The following BICDL1 variants were observed in gnomAD, a reference collection of about 807,000 sequenced individuals.
BICDL1 encodes the protein BICD family like cargo adaptor 1.
Under a neutral mutation model 76.8 loss-of-function variants are expected in BICDL1, and 20 were observed. That is an observed-to-expected ratio of 0.26 (90% CI 0.18 to 0.38). BICDL1 has a LOEUF of 0.38. BICDL1 is among the 10% of genes least tolerant of loss of function. The pLI is 1.00. For missense variants in BICDL1, 700 were observed against 798.6 expected (o/e 0.88, Z 1.49); for synonymous variants, 383 against 337.1 (o/e 1.14, Z -1.49).
chr12:120,064,465 G>A (rs1266190342), intron 3 of BICDL1, among the ~76,000 whole-genome samples: 1 of 151,738 alleles, frequency 6.6e-6, no homozygotes, highest in Non-Finnish European at 1.5e-5. Flanking sequence ...AATTTCCAGA[G>A]CACTAGCCTT....
intron 2 of BICDL1, among the ~76,000 whole-genome samples, chr12:120,014,081 T>TA (rs1252550222): frequency 6.6e-6 from 1 of 152,230 alleles, no homozygotes; most frequent in Non-Finnish European, 1.5e-5. Flanking sequence ...ATGTGTGTTA[T>TA]AAAAAATCTT....
chr12:119,990,956 G>A (rs1951509307), intron 1 of BICDL1, among the ~76,000 whole-genome samples: 1 of 152,196 alleles, frequency 6.6e-6, no homozygotes, highest in Non-Finnish European at 1.5e-5. Context: ...GCTTGCAATT[G>A]AATGACCAAA....
At chr12:120,023,705 G>A (rs1297428169) in intron 2 of BICDL1, among the ~76,000 whole-genome samples, 2 of 151,570 alleles carry the variant, frequency 1.3e-5, no homozygotes, top group Admixed American at 6.6e-5. Context: ...TAGGAGAATC[G>A]CTTGAGCCTG....
At chr12:120,092,891 C>A in intron 9 of BICDL1, 109 bp from the exon 10 acceptor site, 1 of 1,468,678 alleles carries the variant, frequency 6.8e-7, no homozygotes, top group South Asian at 1.5e-5. Context: ...GCCTCTCACT[C>A]ATCACATTCT....
At chr12:120,010,769 T>C (rs1260575509) in intron 2 of BICDL1, among the ~76,000 whole-genome samples, 1 of 152,202 alleles carries the variant, frequency 6.6e-6, no homozygotes, top group Non-Finnish European at 1.5e-5. Context: ...AGAAAAATGA[T>C]GTGCAGTCAC....
chr12:120,029,688 T>G (rs111847497), intron 2 of BICDL1, among the ~76,000 whole-genome samples: 1 of 152,084 alleles, frequency 6.6e-6, no homozygotes, highest in Non-Finnish European at 1.5e-5. Context: ...TGAGACAGAG[T>G]CTTGCTTTGT....
At chr12:120,058,426 A>G (rs926507167) in intron 2 of BICDL1, among the ~76,000 whole-genome samples, 5 of 152,112 alleles carry the variant, frequency 3.3e-5, no homozygotes, top group Non-Finnish European at 5.9e-5. Flanking sequence ...GATTCATGTC[A>G]AAGTGGTGAT....
At chr12:120,092,308 G>A (rs934559230) in intron 9 of BICDL1, 7 of 985,316 alleles carry the variant, frequency 7.1e-6, no homozygotes, top group African/African-American at 3.5e-5. Flanking sequence ...GAACGAATTC[G>A]AGTTGGGGGA....
At chr12:120,083,536 C>T (rs1874153548) in intron 8 of BICDL1, among the ~76,000 whole-genome samples, 1 of 152,116 alleles carries the variant, frequency 6.6e-6, no homozygotes, top group Non-Finnish European at 1.5e-5. Flanking sequence ...AAGCAAGAGC[C>T]ACGGTGCCCA....
intron 2 of BICDL1, among the ~76,000 whole-genome samples, chr12:120,010,630 G>A (rs961257928): frequency 4.6e-4 from 70 of 152,314 alleles, no homozygotes; most frequent in African/African-American, 1.6e-3. Context: ...TGAATGGATT[G>A]TTAATCTGGT....
At chr12:120,085,799 CAAAAAAAAAAAAAA>C (rs35399078) in intron 8 of BICDL1, among the ~76,000 whole-genome samples, 1 of 69,718 alleles carries the variant, frequency 1.4e-5, no homozygotes, top group Admixed American at 1.7e-4. Flanking sequence ...GATCCTGCCT[CAAAAAAAAAAAAAA>C]AAAAAAAAGG....
chr12:120,012,676 C>A (rs1951977540), intron 2 of BICDL1, among the ~76,000 whole-genome samples: 3 of 152,132 alleles, frequency 2.0e-5, no homozygotes. Flanking sequence ...TATGTGTTCT[C>A]ATATATGAAT....
intron 2 of BICDL1, among the ~76,000 whole-genome samples, chr12:120,010,483 G>A (rs1169533016): frequency 1.3e-5 from 2 of 152,058 alleles, no homozygotes; most frequent in Non-Finnish European, 2.9e-5. Context: ...GATTTCATAT[G>A]GAAAAGGGCT....
At chr12:120,075,506 C>A (rs1371242638) in intron 7 of BICDL1, among the ~76,000 whole-genome samples, 1 of 152,100 alleles carries the variant, frequency 6.6e-6, no homozygotes, top group Admixed American at 6.6e-5. Flanking sequence ...AATCCTTCCA[C>A]CTCAGCTGCC....
At chr12:120,032,454 G>T (rs1165989600) in intron 2 of BICDL1, among the ~76,000 whole-genome samples, 1 of 152,202 alleles carries the variant, frequency 6.6e-6, no homozygotes. Flanking sequence ...TCTAAGACCA[G>T]ATGATAAATT....
At chr12:119,995,213 T>G (rs1168072088) in intron 1 of BICDL1, among the ~76,000 whole-genome samples, 1 of 152,242 alleles carries the variant, frequency 6.6e-6, no homozygotes, top group Non-Finnish European at 1.5e-5. Context: ...TCTGGTTAAT[T>G]TAGCACTTAA....
At chr12:120,072,400 T>C in intron 5 of BICDL1, 111 bp from the exon 6 acceptor site, 3 of 966,378 alleles carry the variant, frequency 3.1e-6, no homozygotes, top group Non-Finnish European at 4.8e-6. Context: ...AACCCTTTCT[T>C]CTAGAACTGG....
At chr12:120,051,155 C>T (rs79446541) in intron 2 of BICDL1, among the ~76,000 whole-genome samples, 1,871 of 152,104 alleles carry the variant, frequency 0.012, 37 homozygotes, top group East Asian at 0.043. Context: ...TCAAGCAATT[C>T]TCCTGCCTCA....
At chr12:120,054,734 G>A (rs983851574) in intron 2 of BICDL1, among the ~76,000 whole-genome samples, 5 of 152,064 alleles carry the variant, frequency 3.3e-5, no homozygotes, top group African/African-American at 1.2e-4. Context: ...AAAAAAATTA[G>A]CCGGGCATGG....
Sources: gnomAD v4.1 joint callset for allele counts (sites outside exome capture counted in the v4.1 genomes callset) on GRCh38, gnomAD v4.1.1 for gene constraint, MANE v1.5 for transcripts, NCBI Gene and HGNC (gene_info 2026-07-23, HGNC 2026-07-21) for gene names.